ASB11: variants seen among roughly 807,000 people sequenced by gnomAD.
The protein encoded by ASB11 is ankyrin repeat and SOCS box protein 11.
Under a neutral mutation model 20.1 loss-of-function variants are expected in ASB11, and 17 were observed. The ratio of observed to expected loss-of-function variants is 0.85; its 90% CI spans 0.58 to 1.27. The LOEUF (loss-of-function observed/expected upper bound fraction) is 1.27. Among genes scored for constraint, ASB11 ranks in the 50% most tolerant of loss-of-function variants. The pLI, the probability that ASB11 is intolerant of heterozygous loss-of-function variation, is 0.00. For synonymous variants in ASB11, 107 were observed against 105.6 expected (o/e 1.01, Z -0.08); for missense variants, 259 against 256.9 (o/e 1.01, Z -0.06).
At position 15,287,913 on chromosome X, in the gene ASB11, C is replaced by G. The variant is rs1453309569; in HGVS notation, c.815G>C (p.Ser272Thr). The G allele has an allele frequency of 8.3e-7, 1 of 1,210,718 alleles. No homozygotes were observed. Among genetic ancestry groups the G allele is most frequent in the South Asian group, 1.8e-5 (1 of 56,743 alleles). The change falls in exon 6 of 7, where the codon AGC (serine) becomes ACC (threonine). Residue 272 changes from serine (S) to threonine (T), a missense_variant. Ser to Thr is a moderately conservative substitution (Grantham distance 58). Transcript: ENST00000480796. ...KSALDLAAPKSSVEQALLLRE... is the reference protein window; with the variant it reads ...KSALDLAAPKTSVEQALLLRE... ...GAGCAAGAGTGCCTGCTCCACGCTGCTTTTTGGAGCCGCCAGATCAAGCGC... is the reference window on the plus strand; with the variant it reads ...GAGCAAGAGTGCCTGCTCCACGCTGGTTTTTGGAGCCGCCAGATCAAGCGC...
chrX:15,288,090 C>T lies in ASB11; in HGVS notation c.656-18G>A. ...ACTGGCTCCTTAACAAAACAGATGG[C>T]CACAATTCAACACTAAATGTAATGT... On this transcript the variant is annotated intron_variant, in intron 5 of 6. Coordinates refer to ENST00000480796, the MANE Select transcript of ASB11 (RefSeq NM_080873.3). The T allele has an allele frequency of 8.4e-7, 1 of 1,192,274 alleles. No homozygotes were observed. The highest frequency in any genetic ancestry group is 1.1e-6 in the Non-Finnish European group (1 of 884,114).
chrX:15,284,660 T>G (rs1251217007), intron 6 of ASB11, among the ~76,000 whole-genome samples: 3 of 111,915 alleles, frequency 2.7e-5, no homozygotes, highest in African/African-American at 9.8e-5. Flanking sequence ...ATCATGCCCA[T>G]GGCTTTGAAT....
chrX:15,315,613 T>C lies in ASB11; in HGVS notation c.-8A>G. 8.7e-7 allele frequency: 1 copy of C among 1,145,269 alleles called. No individual in the cohort carries two copies. Among genetic ancestry groups the C allele is most frequent in the Non-Finnish European group, 1.2e-6 (1 of 860,016 alleles). 94.4% of individuals were successfully genotyped at this position (1,145,269 alleles called of 1,213,427 possible). A position where few individuals can be genotyped will look rare whatever the true frequency, so the allele number is the denominator to read the frequency against. On this transcript the variant is annotated 5_prime_UTR_variant, in exon 1 of 7. The change creates a new upstream start codon in the 5' untranslated region. Transcript: ENST00000480796. The stretch of plus-strand genomic sequence containing the variant: ...AACAGGACCATCTTCCATTTTGGCT[T>C]ATGCTCTGTATAGGGTCCTAGGACT...
Position 15,293,466 on chromosome X carries a change from C to T in ASB11, c.370-146G>A, listed in dbSNP as rs967308101. On this transcript the variant is annotated intron_variant, in intron 3 of 6. Coordinates refer to ENST00000480796, the MANE Select transcript of ASB11 (RefSeq NM_080873.3). ...CCACATCTTTACAGTATTATGAAAC[C>T]TCATGAAGTTATTGGGTGGATCGAG... is the stretch of plus-strand genomic sequence containing the variant. 15 of 680,673 alleles carry T rather than the reference C, an allele frequency of 2.2e-5. No individual in the cohort carries two copies. The African/African-American group carries it at 2.6e-4, about 12-fold the overall frequency. 56.1% of individuals were successfully genotyped at this position (680,673 alleles called of 1,213,427 possible). A position where few individuals can be genotyped will look rare whatever the true frequency, so the allele number is the denominator to read the frequency against.
At chrX:15,312,017 A>T (rs1028359556) in intron 1 of ASB11, among the ~76,000 whole-genome samples, 1 of 111,134 alleles carries the variant, frequency 9.0e-6, no homozygotes, top group Admixed American at 9.7e-5. Flanking sequence ...CAGATGATCA[A>T]TCTGTATCTA....
chrX:15,297,256 T>C (rs1336922345), intron 3 of ASB11, among the ~76,000 whole-genome samples: 3 of 111,119 alleles, frequency 2.7e-5, no homozygotes, highest in Non-Finnish European at 5.7e-5. Context: ...GCCACTGCAC[T>C]CCAGCCTGGG....
chrX:15,285,634 G>A lies in ASB11; in HGVS notation c.848-2005C>T, dbSNP rs1292647530. Among the ~76,000 whole-genome samples, 8 of 111,522 alleles carry A rather than the reference G, an allele frequency of 7.2e-5. No homozygotes were observed. In the East Asian group the frequency reaches 1.4e-3, roughly 19 times the overall value. ...GAAAGTAGCTGGTATTTCCAAGCTCGGATCTGCTGAGGAAGATCATAATTC... is the reference window on the plus strand; with the variant it reads ...GAAAGTAGCTGGTATTTCCAAGCTCAGATCTGCTGAGGAAGATCATAATTC... On this transcript the variant is annotated intron_variant, in intron 6 of 6. Transcript: ENST00000480796.
At chrX:15,291,675 C>A in intron 4 of ASB11, among the ~76,000 whole-genome samples, 2 of 97,697 alleles carry the variant, frequency 2.0e-5, no homozygotes, top group Middle Eastern at 6.3e-3. Flanking sequence ...CCATTGCACT[C>A]CAGCCTGTGA....
chrX:15,312,555 T>A (rs1298047619), intron 1 of ASB11, among the ~76,000 whole-genome samples: 1 of 106,942 alleles, frequency 9.4e-6, no homozygotes, highest in Admixed American at 1.0e-4. Context: ...AAGTCTAACC[T>A]GTGTGCTGGC....
intron 1 of ASB11, among the ~76,000 whole-genome samples, chrX:15,304,498 C>T (rs753830418): frequency 8.1e-4 from 91 of 112,031 alleles, no homozygotes; most frequent in African/African-American, 2.8e-3. Flanking sequence ...GCATGGTGCA[C>T]TGAGAAAACC....
In ASB11 at chrX:15,285,347, G is replaced by C. The variant is rs1313039667; in HGVS notation, c.848-1718C>G. ...GTAGAGACGGGGTTTCACCATCTTA[G>C]CCAGGCTGGTCTTGAACTCCTGACC... On this transcript the variant is annotated intron_variant, in intron 6 of 6. Transcript: ENST00000480796. Among the ~76,000 whole-genome samples, 8 of 108,701 alleles carry C rather than the reference G, an allele frequency of 7.4e-5. No individual in the cohort carries two copies. The Admixed American group carries it at 7.9e-4, about 11-fold the overall frequency. The allele number at this position is 108,701 out of a possible 115,157, so 94.4% of individuals were successfully genotyped here.
At chrX:15,310,144 G>A (rs142160812) in intron 1 of ASB11, among the ~76,000 whole-genome samples, 132 of 109,687 alleles carry the variant, frequency 1.2e-3, no homozygotes, top group African/African-American at 4.3e-3. Context: ...GGGGTCTCCT[G>A]CTTTTCTATC....
intron 1 of ASB11, among the ~76,000 whole-genome samples, chrX:15,309,895 G>T (rs1921366384): frequency 1.0e-5 from 1 of 100,010 alleles, no homozygotes; most frequent in Non-Finnish European, 2.0e-5. Flanking sequence ...GTGAACCCGA[G>T]AGACGGAGCT....
intron 3 of ASB11, among the ~76,000 whole-genome samples, chrX:15,296,874 C>A (rs917630113): frequency 2.7e-5 from 3 of 111,958 alleles, no homozygotes; most frequent in Non-Finnish European, 5.6e-5. Flanking sequence ...TGGGTATATA[C>A]CCAGAAGAAA....
At chrX:15,289,981 G>T (rs5934230) in intron 4 of ASB11, 64,827 of 163,390 alleles carry the variant, frequency 0.4, 9,337 homozygotes, top group South Asian at 0.59. Context: ...CCGAGATAGC[G>T]CCACTGCACT....
chrX:15,291,559 C>T (rs6628945), intron 4 of ASB11, among the ~76,000 whole-genome samples: 40,000 of 107,039 alleles, frequency 0.37, 5,569 homozygotes, highest in South Asian at 0.55. Flanking sequence ...ATACAAAAAT[C>T]AGCTGGGCAC....
At chrX:15,292,949 G>A (rs6653931) in intron 4 of ASB11, among the ~76,000 whole-genome samples, 21,677 of 111,417 alleles carry the variant, frequency 0.19, 1,756 homozygotes, top group African/African-American at 0.28. Flanking sequence ...TTGGAGTCAG[G>A]AAAGCATTCC....
intron 6 of ASB11, among the ~76,000 whole-genome samples, chrX:15,284,109 G>A (rs749463560): frequency 6.5e-5 from 7 of 107,213 alleles, no homozygotes; most frequent in Admixed American, 2.0e-4. Flanking sequence ...AAAATTAGCC[G>A]GGTGTGGTGG....
intron 1 of ASB11, among the ~76,000 whole-genome samples, chrX:15,306,721 C>G (rs1921259593): frequency 9.0e-6 from 1 of 111,110 alleles, no homozygotes; most frequent in Admixed American, 9.6e-5. Context: ...ACAACAACAA[C>G]AACAACAACA....
Sources: allele counts gnomAD v4.1 joint callset (sites outside exome capture counted in the v4.1 genomes callset), GRCh38; gene constraint gnomAD v4.1.1; transcripts MANE v1.5; gene names NCBI Gene and HGNC (gene_info 2026-07-23, HGNC 2026-07-21).